Variants in PIEZO2 observed in about 807,000 individuals in gnomAD.
PIEZO2 encodes the protein piezo-type mechanosensitive ion channel component 2.
PIEZO2 carries 172 observed loss-of-function variants against 337.3 expected under a neutral mutation model. The ratio of observed to expected loss-of-function variants is 0.51; its 90% CI spans 0.45 to 0.58. PIEZO2 has a LOEUF of 0.58. Among genes scored for constraint, PIEZO2 ranks in the 20% least tolerant of loss-of-function variants. The probability of loss-of-function intolerance (pLI) is 0.00; values close to 1 mark genes in which losing one functional copy is unlikely to be tolerated. For synonymous variants in PIEZO2, 1,251 were observed against 1,228.5 expected (o/e 1.02, Z -0.38); for missense variants, 3,028 against 3,391.3 (o/e 0.89, Z 2.66).
intron 1 of PIEZO2, among the ~76,000 whole-genome samples, chr18:11,085,718 G>C (rs1479557244): frequency 6.6e-6 from 1 of 151,924 alleles, no homozygotes; most frequent in African/African-American, 2.4e-5. Context: ...TTTCCTAGAC[G>C]TTAACTGGAA....
In PIEZO2 at chr18:11,096,025, G is replaced by A. The variant is rs985734196; in HGVS notation, c.65-29803C>T. Among the ~76,000 whole-genome samples the A allele has an allele frequency of 6.6e-6, 1 of 152,228 alleles. No homozygotes were observed. The highest frequency in any genetic ancestry group is 1.5e-5 in the Non-Finnish European group (1 of 68,040). On this transcript the variant is annotated intron_variant, in intron 1 of 55. Transcript: ENST00000674853. The surrounding 1 kb of genome is among the most constrained non-coding windows in gnomAD (Gnocchi z 4.6). ...AACCTTTCTTGTGTGTGTGCCCAAG[G>A]AGAGACTATGAGAGGGAGGCAGCTT... is the stretch of plus-strand genomic sequence containing the variant.
intron 7 of PIEZO2, among the ~76,000 whole-genome samples, chr18:10,814,164 T>C (rs998117218): frequency 1.3e-5 from 2 of 151,904 alleles, no homozygotes; most frequent in Non-Finnish European, 2.9e-5. Flanking sequence ...AGAGACAGGG[T>C]TTCACTGTGT....
At chr18:11,018,382 CGTGTGTGT>C (rs376013388) in intron 2 of PIEZO2, among the ~76,000 whole-genome samples, 7,726 of 114,072 alleles carry the variant, frequency 0.068, 293 homozygotes, top group African/African-American at 0.095. Context: ...CCCAACATGT[CGTGTGTGT>C]GTGTGTGTGT....
At position 11,038,268 on chromosome 18, in the gene PIEZO2, A is replaced by G. The variant is rs1319108005; in HGVS notation, c.160+27859T>C. On this transcript the variant is annotated intron_variant, in intron 2 of 55. Transcript: ENST00000674853. The surrounding 1 kb of genome is among the most constrained non-coding windows in gnomAD (Gnocchi z 4.1). Reference sequence around the variant, plus strand: ...ATATAATTCATCATATTCTGCTTGGATAATGTAAATTGCTTGCAAGAAAAA... The same window carrying G: ...ATATAATTCATCATATTCTGCTTGGGTAATGTAAATTGCTTGCAAGAAAAA... Among the ~76,000 whole-genome samples the G allele has an allele frequency of 6.6e-6, 1 of 152,106 alleles. No individual in the cohort carries two copies. Among genetic ancestry groups the G allele is most frequent in the Admixed American group, 6.5e-5 (1 of 15,270 alleles).
chr18:11,032,614 G>T lies in PIEZO2; in HGVS notation c.160+33513C>A, dbSNP rs2036780954. Among the ~76,000 whole-genome samples, 1 of 152,198 alleles carries T rather than the reference G, an allele frequency of 6.6e-6. No homozygotes were observed. The highest frequency in any genetic ancestry group is 2.4e-5 in the African/African-American group (1 of 41,456). ...ATTTTGAAATACAAAGGATAGGTTTGTGCCTTTCAAAAAGGCAGTATGTTC... is the reference window on the plus strand; with the variant it reads ...ATTTTGAAATACAAAGGATAGGTTTTTGCCTTTCAAAAAGGCAGTATGTTC... On this transcript the variant is annotated intron_variant, in intron 2 of 55. Coordinates refer to ENST00000674853, the MANE Select transcript of PIEZO2 (RefSeq NM_001378183.1). The surrounding 1 kb of genome is among the most constrained non-coding windows in gnomAD (Gnocchi z 4.9).
intron 3 of PIEZO2, among the ~76,000 whole-genome samples, chr18:10,925,931 A>C (rs2031707491): frequency 6.6e-6 from 1 of 152,152 alleles, no homozygotes; most frequent in African/African-American, 2.4e-5. Context: ...GATGAACTGT[A>C]ATCTGAGGTT....
intron 27 of PIEZO2, among the ~76,000 whole-genome samples, chr18:10,756,784 T>G (rs1297947576): frequency 2.8e-4 from 29 of 101,834 alleles, no homozygotes; most frequent in East Asian, 8.6e-4. Flanking sequence ...GATGAAAGAT[T>G]AGGAGGGGGG....
chr18:10,762,456 T>A (rs772028729), intron 23 of PIEZO2, 44 bp downstream of exon 23: 12 of 1,526,682 alleles, frequency 7.9e-6, no homozygotes, highest in South Asian at 1.2e-5. Context: ...TGAACTATTA[T>A]ATAACGGAGT....
chr18:11,139,007 A>T (rs575761215), intron 1 of PIEZO2, among the ~76,000 whole-genome samples: 1 of 152,336 alleles, frequency 6.6e-6, no homozygotes, highest in Admixed American at 6.5e-5. Flanking sequence ...GCTCTCGATG[A>T]GAAGGAACTC....
intron 35 of PIEZO2, among the ~76,000 whole-genome samples, chr18:10,733,428 G>A (rs8083345): frequency 0.32 from 48,374 of 150,008 alleles, 8,567 homozygotes; most frequent in East Asian, 0.53. Context: ...AGAAATGGAA[G>A]GCTCTTACCA....
At chr18:10,984,403 C>T (rs993155485) in intron 2 of PIEZO2, among the ~76,000 whole-genome samples, 1 of 151,498 alleles carries the variant, frequency 6.6e-6, no homozygotes, top group African/African-American at 2.4e-5. Flanking sequence ...AAAGAAAGAA[C>T]CAAACAAAAA....
chr18:10,704,407 A>G lies in PIEZO2; in HGVS notation c.6245T>C (p.Ile2082Thr). 1 of 1,537,200 alleles carries G rather than the reference A, an allele frequency of 6.5e-7. No individual in the cohort carries two copies. Among genetic ancestry groups the G allele is most frequent in the Admixed American group, 2.0e-5 (1 of 51,002 alleles). ...GTCCAGGCCTACCTCAGTATAGACG[A>G]TGGCCATCATCCAGAACCGGCGGCT... ...RPSRRFWMMA[I>T]VYTEVAIVVK... is the part of the protein sequence containing the mutation. The change falls in exon 42 of 56, where the codon ATC becomes ACC. Residue 2082 changes from isoleucine to threonine, a missense_variant. Physicochemically the swap from Ile to Thr is moderately conservative, Grantham distance 89. This residue lies in a region of PIEZO2 where 1,925 missense variants were observed against 2,051.9 expected (regional missense o/e 0.94). Coordinates refer to ENST00000674853, the MANE Select transcript of PIEZO2 (RefSeq NM_001378183.1).
chr18:10,966,487 A>C (rs2034005361), intron 3 of PIEZO2, among the ~76,000 whole-genome samples: 1 of 152,170 alleles, frequency 6.6e-6, no homozygotes, highest in African/African-American at 2.4e-5. Flanking sequence ...TCTCTCCTTT[A>C]TAAAAGTTGT....
chr18:10,776,142 A>G (rs1451254687), intron 18 of PIEZO2, among the ~76,000 whole-genome samples: 1 of 152,138 alleles, frequency 6.6e-6, no homozygotes, highest in Non-Finnish European at 1.5e-5. Context: ...TTTTATGGTA[A>G]CATTGTTTTT....
rs2039543299 is a variant in PIEZO2 at position 11,105,846 on chromosome 18, C to G, written c.65-39624G>C. ...TACATTGATCCTCTCCAGGAAAGAT[C>G]AGTGGCTTAATGGGCCACAATTACT... On this transcript the variant is annotated intron_variant, in intron 1 of 55. Transcript: ENST00000674853. The surrounding 1 kb of genome is among the most constrained non-coding windows in gnomAD (Gnocchi z 4.3). 6.6e-6 allele frequency among the ~76,000 whole-genome samples: 1 copy of G among 152,172 alleles called. No homozygotes were observed. The highest frequency in any genetic ancestry group is 1.5e-5 in the Non-Finnish European group (1 of 68,046).
intron 4 of PIEZO2, among the ~76,000 whole-genome samples, chr18:10,874,292 T>C (rs1363934218): frequency 6.6e-6 from 1 of 151,578 alleles, no homozygotes; most frequent in Non-Finnish European, 1.5e-5. Flanking sequence ...GTTAGAATGG[T>C]TATTATCAAA....
At position 11,078,238 on chromosome 18, in the gene PIEZO2, A is replaced by T; in HGVS notation, c.65-12016T>A. ...AGCAGTGGCTTTTTATAACAGGATT[A>T]ATTTACTGCCTGCCATAGTTTCCTA... On this transcript the variant is annotated intron_variant, in intron 1 of 55. Coordinates refer to ENST00000674853, the MANE Select transcript of PIEZO2 (RefSeq NM_001378183.1). This position sits in a 1 kb window ranked among gnomAD's most constrained non-coding sequence, Gnocchi z 5.3. 6.6e-6 allele frequency among the ~76,000 whole-genome samples: 1 copy of T among 152,196 alleles called. No individual in the cohort carries two copies. The highest frequency in any genetic ancestry group is 1.9e-4 in the East Asian group (1 of 5,196).
In PIEZO2 at chr18:10,834,350, AG is replaced by A. The variant is rs2040939705; in HGVS notation, c.917+21002del. 1.3e-5 allele frequency among the ~76,000 whole-genome samples: 2 copies of A among 152,220 alleles called. No homozygotes were observed. The highest frequency in any genetic ancestry group is 3.9e-4 in the East Asian group (2 of 5,190). On this transcript the variant is annotated intron_variant, in intron 7 of 55. Coordinates refer to ENST00000674853, the MANE Select transcript of PIEZO2 (RefSeq NM_001378183.1). This position sits in a 1 kb window ranked among gnomAD's most constrained non-coding sequence, Gnocchi z 4.5. ...GTCTTTAGAATGGGCATAATAAAGT[AG>A]ACCACACCTTATGGAGTTGTTGGGA...
chr18:10,885,498 T>C (rs771803369), intron 4 of PIEZO2, among the ~76,000 whole-genome samples: 1 of 152,028 alleles, frequency 6.6e-6, no homozygotes, highest in Non-Finnish European at 1.5e-5. Flanking sequence ...GTTCCCTCAG[T>C]TGGTGAAGTA....
Sources: allele counts gnomAD v4.1 joint callset (sites outside exome capture counted in the v4.1 genomes callset), GRCh38; gene constraint gnomAD v4.1.1; regional missense constraint gnomAD v4.1.1; non-coding constraint Gnocchi (gnomAD v3.1); transcripts MANE v1.5; gene names NCBI Gene and HGNC (gene_info 2026-07-23, HGNC 2026-07-21).